ENAH: variants seen among roughly 807,000 people sequenced by gnomAD.
ENAH encodes protein enabled homolog.
A neutral mutation model predicts 78.7 loss-of-function variants in ENAH; 23 were observed. That is an observed-to-expected ratio of 0.29 (90% CI 0.21 to 0.41). The LOEUF (loss-of-function observed/expected upper bound fraction) is 0.41. Among genes scored for constraint, ENAH ranks in the 10% least tolerant of loss-of-function variants. The pLI is 1.00. For synonymous variants in ENAH, 226 were observed against 241.0 expected (o/e 0.94, Z 0.58); for missense variants, 544 against 691.0 (o/e 0.79, Z 2.39).
chr1:225,547,413 T>C (rs543748052), intron 3 of ENAH, among the ~76,000 whole-genome samples: 4 of 152,154 alleles, frequency 2.6e-5, no homozygotes, highest in Admixed American at 6.6e-5. Flanking sequence ...GCCAGAATTC[T>C]TTCTTAATGA....
chr1:225,553,623 T>C (rs2096652235), intron 3 of ENAH, among the ~76,000 whole-genome samples: 3 of 150,254 alleles, frequency 2.0e-5, no homozygotes, highest in Non-Finnish European at 4.4e-5. Flanking sequence ...ATGGTAAAAC[T>C]ACAGTAAATG....
chr1:225,652,296 T>G, intron 1 of ENAH: 1 of 980,724 alleles, frequency 1.0e-6, no homozygotes, highest in Non-Finnish European at 1.2e-6. Flanking sequence ...CATGAAATTT[T>G]TACATATATA....
At chr1:225,575,194 T>G (rs2096782807) in intron 1 of ENAH, among the ~76,000 whole-genome samples, 1 of 152,172 alleles carries the variant, frequency 6.6e-6, no homozygotes, top group African/African-American at 2.4e-5. Flanking sequence ...ACTCCTACAA[T>G]GCATCAGTAC....
intron 6 of ENAH, among the ~76,000 whole-genome samples, chr1:225,516,097 T>C (rs1386832758): frequency 6.6e-6 from 1 of 152,242 alleles, no homozygotes; most frequent in East Asian, 1.9e-4. Flanking sequence ...AAGCATCTTC[T>C]TATTTACTTA....
intron 1 of ENAH, among the ~76,000 whole-genome samples, chr1:225,612,619 T>C (rs1052707642): frequency 1.3e-5 from 2 of 152,130 alleles, no homozygotes; most frequent in African/African-American, 4.8e-5. Context: ...CAAAAAAAAT[T>C]TTCAAAACAA....
intron 1 of ENAH, among the ~76,000 whole-genome samples, chr1:225,601,462 G>A (rs1469806919): frequency 2.6e-5 from 4 of 151,172 alleles, no homozygotes; most frequent in Admixed American, 1.3e-4. Context: ...GGCTTGCAGT[G>A]AGCCAAGATG....
upstream of ENAH, among the ~76,000 whole-genome samples, chr1:225,653,346 C>A (rs1663419438): frequency 6.6e-6 from 1 of 151,656 alleles, no homozygotes; most frequent in Admixed American, 6.6e-5. This position sits in a 1 kb window ranked among gnomAD's most constrained non-coding sequence, Gnocchi z 4.3. Context: ...GCGGCGGCGG[C>A]GGAGAGAGGC....
At position 225,491,484 on chromosome 1, in the gene ENAH, A is replaced by T. The variant is rs996050221; in HGVS notation, c.*6291T>A. 3.3e-5 allele frequency: 5 copies of T among 150,834 alleles called. No homozygotes were observed. Among genetic ancestry groups the T allele is most frequent in the African/African-American group, 1.2e-4 (5 of 40,752 alleles). 9.3% of individuals were successfully genotyped at this position (150,834 alleles called of 1,614,324 possible). A position where few individuals can be genotyped will look rare whatever the true frequency, so the allele number is the denominator to read the frequency against. ...TAAAATGCCTTTAATCTTTAAAAAA[A>T]AAAATAAAAGAAAAAGAAAAAAAGA... On this transcript the variant is annotated 3_prime_UTR_variant, in exon 14 of 14. Transcript: ENST00000366843.
chr1:225,562,912 G>A (rs1455819117), intron 2 of ENAH, among the ~76,000 whole-genome samples: 1 of 151,560 alleles, frequency 6.6e-6, no homozygotes, highest in African/African-American at 2.4e-5. Flanking sequence ...GGTCAAGGCT[G>A]CAGTGAGCTA....
At chr1:225,544,070 T>G (rs1005295639) in intron 3 of ENAH, among the ~76,000 whole-genome samples, 1 of 152,192 alleles carries the variant, frequency 6.6e-6, no homozygotes, top group Non-Finnish European at 1.5e-5. Context: ...TTGTGAATGG[T>G]CTCATCAGAG....
Position 225,652,818 on chromosome 1 carries a change from C to A in ENAH, c.-128G>T. The A allele has an allele frequency of 2.6e-6, 2 of 762,292 alleles. No homozygotes were observed. The highest frequency in any genetic ancestry group is 3.6e-6 in the Non-Finnish European group (2 of 550,340). 47.2% of individuals were successfully genotyped at this position (762,292 alleles called of 1,614,324 possible). A position where few individuals can be genotyped will look rare whatever the true frequency, so the allele number is the denominator to read the frequency against. On this transcript the variant is annotated 5_prime_UTR_variant, in exon 1 of 14. Coordinates refer to ENST00000366843, the MANE Select transcript of ENAH (RefSeq NM_018212.6). ...GGAGACAAGTGTCCGGCTCCTCCTT[C>A]GGCGGCCAGGGGGCTACACCATCTC...
At chr1:225,506,758 G>T (rs1178220018) in intron 11 of ENAH, among the ~76,000 whole-genome samples, 1 of 152,104 alleles carries the variant, frequency 6.6e-6, no homozygotes, top group Non-Finnish European at 1.5e-5. Flanking sequence ...TTAAACAATT[G>T]TGTCACTACC....
chr1:225,639,169 A>G (rs1660576635), intron 1 of ENAH, among the ~76,000 whole-genome samples: 1 of 152,232 alleles, frequency 6.6e-6, no homozygotes, highest in Non-Finnish European at 1.5e-5. Flanking sequence ...AAGCAACTGA[A>G]AAAAATGAGT....
intron 1 of ENAH, among the ~76,000 whole-genome samples, chr1:225,586,462 A>G (rs2096847519): frequency 6.6e-6 from 1 of 152,144 alleles, no homozygotes; most frequent in African/African-American, 2.4e-5. Flanking sequence ...TCAAAAAAAT[A>G]AAGAAGAAAA....
rs1408342565 is a variant in ENAH, at chr1:225,495,550, T to C, written c.*2225A>G. 1 of 151,990 alleles carries C rather than the reference T, an allele frequency of 6.6e-6. No individual in the cohort carries two copies. The allele number at this position is 151,990 out of a possible 1,614,324, so 9.4% of individuals were successfully genotyped here. ...GTTTAGTGCATAAACCCAGTTTCTT[T>C]TAAGATTTAGCATTTTATTTTAGTC... On this transcript the variant is annotated 3_prime_UTR_variant, in exon 14 of 14. Coordinates refer to ENST00000366843, the MANE Select transcript of ENAH (RefSeq NM_018212.6).
At chr1:225,586,239 C>T (rs1321904296) in intron 1 of ENAH, among the ~76,000 whole-genome samples, 2 of 29,738 alleles carry the variant, frequency 6.7e-5, no homozygotes, top group Non-Finnish European at 1.3e-4. Flanking sequence ...GGGAGACAAG[C>T]TCAAAAAAAA....
chr1:225,548,145 G>A (rs1330532883), intron 3 of ENAH, among the ~76,000 whole-genome samples: 1 of 150,548 alleles, frequency 6.6e-6, no homozygotes, highest in African/African-American at 2.4e-5. Context: ...AGCAGATGTT[G>A]GAGAAAATTT....
intron 1 of ENAH, among the ~76,000 whole-genome samples, chr1:225,646,749 G>A (rs1031012170): frequency 2.6e-5 from 4 of 151,880 alleles, no homozygotes; most frequent in East Asian, 1.9e-4. Context: ...AGATCGAGCC[G>A]CTGCAATCCA....
At chr1:225,560,174 T>C (rs1325372904) in intron 2 of ENAH, among the ~76,000 whole-genome samples, 1 of 151,850 alleles carries the variant, frequency 6.6e-6, no homozygotes, top group East Asian at 1.9e-4. Context: ...ATCTGAACTT[T>C]TTTTTTTTTT....
Sources: gnomAD v4.1 joint callset for allele counts (sites outside exome capture counted in the v4.1 genomes callset) on GRCh38, gnomAD v4.1.1 for gene constraint, Gnocchi (gnomAD v3.1) non-coding constraint, MANE v1.5 for transcripts, NCBI Gene and HGNC (gene_info 2026-07-23, HGNC 2026-07-21) for gene names.